PRKD3: variants seen among roughly 807,000 people sequenced by gnomAD.
The protein encoded by PRKD3 is protein kinase D3, also known as serine/threonine-protein kinase D3.
PRKD3 carries 47 observed loss-of-function variants against 99.2 expected under a neutral mutation model. The ratio of observed to expected loss-of-function variants is 0.47; its 90% CI spans 0.38 to 0.60. The LOEUF (loss-of-function observed/expected upper bound fraction) is 0.60, where lower values mean the gene tolerates loss of function less well. Ranked by LOEUF, PRKD3 falls within the 20% of genes least tolerant of loss-of-function variation. The pLI, the probability that PRKD3 is intolerant of heterozygous loss-of-function variation, is 0.00. For missense variants in PRKD3, 1,019 were observed against 1,088.4 expected (o/e 0.94, Z 0.90); for synonymous variants, 392 against 355.4 (o/e 1.10, Z -1.16).
At chr2:37,322,002 T>C (rs1043890603) in intron 1 of PRKD3, among the ~76,000 whole-genome samples, 2 of 152,222 alleles carry the variant, frequency 1.3e-5, no homozygotes, top group Admixed American at 1.3e-4. Context: ...CAATATTTAT[T>C]ATAACATGAA....
At chr2:37,272,820 A>G (rs961458358) in intron 11 of PRKD3, among the ~76,000 whole-genome samples, 3 of 152,002 alleles carry the variant, frequency 2.0e-5, no homozygotes, top group African/African-American at 7.2e-5. Flanking sequence ...CCTATCTCTA[A>G]AAAAATTTTA....
chr2:37,265,179 C>A (rs184744998), intron 14 of PRKD3, among the ~76,000 whole-genome samples: 1 of 151,960 alleles, frequency 6.6e-6, no homozygotes, highest in African/African-American at 2.4e-5. Flanking sequence ...AAGAATGACA[C>A]GGGGCAAAGA....
At chr2:37,301,828 ATT>A (rs1187512127) in intron 2 of PRKD3, among the ~76,000 whole-genome samples, 1 of 152,226 alleles carries the variant, frequency 6.6e-6, no homozygotes, top group African/African-American at 2.4e-5. Context: ...ACTGGCTATT[ATT>A]TAGTTTATTC....
intron 18 of PRKD3, among the ~76,000 whole-genome samples, chr2:37,253,798 TTACTCTGAA>T (rs1338868494): frequency 3.9e-5 from 6 of 152,192 alleles, no homozygotes; most frequent in Non-Finnish European, 7.4e-5. Flanking sequence ...GCTTCCCTCC[TTACTCTGAA>T]GTTTGGAGGG....
rs1671679972 is a variant in PRKD3, at chr2:37,316,705, C to T, written c.-181G>A. 2 of 1,424,598 alleles carry T rather than the reference C, an allele frequency of 1.4e-6. No homozygotes were observed. Among genetic ancestry groups the T allele is most frequent in the East Asian group, 2.5e-5 (1 of 39,286 alleles). The allele number at this position is 1,424,598 out of a possible 1,614,324, so 88.2% of individuals were successfully genotyped here. ...TAAGTTTTATCAAGGAGTTGAATGCCCCAAAGGTCCTATTTCTCTTAATAT... is the reference window on the plus strand; with the variant it reads ...TAAGTTTTATCAAGGAGTTGAATGCTCCAAAGGTCCTATTTCTCTTAATAT... On this transcript the variant is annotated 5_prime_UTR_variant, in exon 2 of 19. Coordinates refer to ENST00000234179, the MANE Select transcript of PRKD3 (RefSeq NM_005813.6).
intron 2 of PRKD3, among the ~76,000 whole-genome samples, chr2:37,309,911 C>T (rs1448034428): frequency 6.7e-6 from 1 of 149,820 alleles, no homozygotes; most frequent in East Asian, 2.0e-4. Context: ...CCAAAATATT[C>T]TAATATAGAA....
At chr2:37,288,744 T>C (rs1670239021) in intron 5 of PRKD3, among the ~76,000 whole-genome samples, 1 of 152,196 alleles carries the variant, frequency 6.6e-6, no homozygotes, top group South Asian at 2.1e-4. Context: ...AGCTGCTCTG[T>C]GTCTCAACTG....
At chr2:37,267,606 T>G in intron 13 of PRKD3, 70 bp from the exon 14 acceptor site, 1 of 1,128,718 alleles carries the variant, frequency 8.9e-7, no homozygotes, top group South Asian at 1.3e-5. Flanking sequence ...GTCCACAGAC[T>G]GAAATTTATA....
chr2:37,257,144 T>A (rs961255482), intron 16 of PRKD3, among the ~76,000 whole-genome samples: 1 of 152,160 alleles, frequency 6.6e-6, no homozygotes, highest in Non-Finnish European at 1.5e-5. Context: ...TATGAAGAGC[T>A]TTCCTAGTAC....
intron 1 of PRKD3, chr2:37,324,202 T>C (rs1672012327): frequency 9.1e-6 from 9 of 985,286 alleles, no homozygotes; most frequent in African/African-American, 3.5e-5. Context: ...ACTCACCCCT[T>C]TGAGACGACT....
intron 2 of PRKD3, among the ~76,000 whole-genome samples, chr2:37,304,448 A>G (rs1235255385): frequency 6.6e-6 from 1 of 152,160 alleles, no homozygotes; most frequent in Non-Finnish European, 1.5e-5. Context: ...TGGATATGAA[A>G]TATCATAAGA....
At chr2:37,273,893 A>G (rs891542767) in intron 11 of PRKD3, among the ~76,000 whole-genome samples, 2 of 152,206 alleles carry the variant, frequency 1.3e-5, no homozygotes, top group African/African-American at 2.4e-5. Flanking sequence ...GGTGCAAAAC[A>G]TGTTTCAGTG....
chr2:37,256,154 AG>A (rs2148479419), intron 17 of PRKD3, among the ~76,000 whole-genome samples: 1 of 152,360 alleles, frequency 6.6e-6, no homozygotes, highest in African/African-American at 2.4e-5. Context: ...ATTGTAGACA[AG>A]GGAAAAACAG....
intron 16 of PRKD3, among the ~76,000 whole-genome samples, chr2:37,258,869 T>C (rs1668184205): frequency 6.6e-6 from 1 of 152,184 alleles, no homozygotes; most frequent in Admixed American, 6.5e-5. Flanking sequence ...TTCAAATGTA[T>C]ATAAACAATA....
In PRKD3 at chr2:37,274,525, C is replaced by G; in HGVS notation, c.1547G>C (p.Gly516Ala). Residue 516 changes from glycine to alanine, a missense_variant, in exon 11 of 19, where the codon GGA (glycine) becomes GCA (alanine). By Grantham distance (60) the Gly-to-Ala change is moderately conservative (BLOSUM62 0). Transcript: ENST00000234179. Reference protein sequence around the residue: ...HNPVLAATGVGLDVAQSWEKA... With the variant: ...HNPVLAATGVALDVAQSWEKA... ...TTCCCAGCTCTGTGCTACATCAAGT[C>G]CAACTCCAGTGGCAGCAAGAACAGG... is the stretch of plus-strand genomic sequence containing the variant. 1 of 1,614,116 alleles carries G rather than the reference C, an allele frequency of 6.2e-7. No individual in the cohort carries two copies. The highest frequency in any genetic ancestry group is 8.5e-7 in the Non-Finnish European group (1 of 1,179,992).
In PRKD3 at chr2:37,287,254, AAAAAAAAAAAAAAGAAAAAG is replaced by A. The variant is rs58409415; in HGVS notation, c.718-905_718-886del. On this transcript the variant is annotated intron_variant, in intron 5 of 18. Coordinates refer to ENST00000234179, the MANE Select transcript of PRKD3 (RefSeq NM_005813.6). Reference sequence around the variant, plus strand: ...TCAAAAAAAAAAAAAAAAAAAAAAAAAAAAAAAAAAAAAGAAAAAGAAAAAGAAAAAGAAAAATACCTGCC... The same window carrying A: ...TCAAAAAAAAAAAAAAAAAAAAAAAAAAAAAGAAAAAGAAAAATACCTGCC... Among the ~76,000 whole-genome samples the A allele has an allele frequency of 9.0e-3, 1,295 of 144,116 alleles. 54 individuals are homozygous for A. Among genetic ancestry groups the A allele is most frequent in the African/African-American group, 0.033 (1,223 of 37,408 alleles). The allele number at this position is 144,116 out of a possible 152,430, so 94.5% of individuals were successfully genotyped here.
At chr2:37,320,643 G>T (rs1671845871) in intron 1 of PRKD3, among the ~76,000 whole-genome samples, 1 of 151,948 alleles carries the variant, frequency 6.6e-6, no homozygotes, top group East Asian at 1.9e-4. Context: ...TGTTGGCCAG[G>T]CTGGTCTGGA....
chr2:37,285,881 ACTC>A (rs1295145379), intron 6 of PRKD3, among the ~76,000 whole-genome samples: 1 of 152,032 alleles, frequency 6.6e-6, no homozygotes, highest in Non-Finnish European at 1.5e-5. Flanking sequence ...AGTAATAGTA[ACTC>A]CTATTACTAC....
At chr2:37,300,033 C>T (rs150052348) in intron 2 of PRKD3, among the ~76,000 whole-genome samples, 6 of 151,962 alleles carry the variant, frequency 3.9e-5, no homozygotes, top group Non-Finnish European at 7.4e-5. Flanking sequence ...GGTATCTACC[C>T]GAAAGAAACC....
Sources: gnomAD v4.1 joint callset for allele counts (sites outside exome capture counted in the v4.1 genomes callset) on GRCh38, gnomAD v4.1.1 for gene constraint, MANE v1.5 for transcripts, NCBI Gene and HGNC (gene_info 2026-07-23, HGNC 2026-07-21) for gene names.